ARHGAP17: variants seen among roughly 807,000 people sequenced by gnomAD.
The protein encoded by ARHGAP17 is rho GTPase-activating protein 17.
In ARHGAP17, 57 loss-of-function variants were observed where a neutral mutation model predicts 99.5. The ratio of observed to expected loss-of-function variants is 0.57; its 90% confidence interval spans 0.46 to 0.71. ARHGAP17 has a LOEUF of 0.71. Ranked by LOEUF, ARHGAP17 falls within the 30% of genes least tolerant of loss-of-function variation. The pLI, the probability that ARHGAP17 is intolerant of heterozygous loss-of-function variation, is 0.00. For synonymous variants in ARHGAP17, 417 were observed against 429.6 expected, an observed-to-expected ratio of 0.97 and a Z score of 0.36; for missense variants, 1,000 against 1,122.4, an observed-to-expected ratio of 0.89 and a Z score of 1.56.
chr16:24,981,290 A>G (rs535209469), intron 1 of ARHGAP17, among the ~76,000 whole-genome samples: 1 of 152,364 alleles, frequency 6.6e-6, no homozygotes, highest in East Asian at 1.9e-4. Flanking sequence ...AAACATAAAA[A>G]CGAGGCAAGT....
rs143342496 is a variant in ARHGAP17 at position 24,964,405 on chromosome 16, G to A, written c.462-97C>T. On this transcript the variant is annotated intron_variant, in intron 6 of 19. Coordinates refer to ENST00000289968, the MANE Select transcript of ARHGAP17 (RefSeq NM_001006634.3). ...TGGAGATAGATCCTTCCCCACAATT[G>A]ATTCTACCTGGAAGGGGTATCATTG... is the stretch of plus-strand genomic sequence containing the variant. The A allele has an allele frequency of 3.2e-4, 262 of 812,102 alleles. No individual in the cohort carries two copies. The East Asian group carries it at 5.4e-3, about 17-fold the overall frequency. The allele number at this position is 812,102 out of a possible 1,614,324, so 50.3% of individuals were successfully genotyped here.
intron 19 of ARHGAP17, among the ~76,000 whole-genome samples, chr16:24,928,228 T>C (rs1001988069): frequency 6.6e-6 from 1 of 152,234 alleles, no homozygotes; most frequent in African/African-American, 2.4e-5. Flanking sequence ...TGGCCTTCTG[T>C]GTACTTTCAG....
intron 13 of ARHGAP17, 60 bp downstream of exon 13, chr16:24,949,344 T>C: frequency 4.4e-6 from 6 of 1,370,252 alleles, no homozygotes; most frequent in Non-Finnish European, 6.1e-6. Flanking sequence ...TTAAATGACT[T>C]CTCTGCTGGG....
intron 1 of ARHGAP17, chr16:25,013,785 A>T (rs1385425663): frequency 6.6e-6 from 1 of 152,226 alleles, no homozygotes; most frequent in Non-Finnish European, 1.5e-5. Context: ...ACTATTTGAC[A>T]AATGTATCTT....
intron 1 of ARHGAP17, among the ~76,000 whole-genome samples, chr16:25,003,531 T>C (rs544032931): frequency 2.6e-5 from 4 of 152,188 alleles, no homozygotes; most frequent in African/African-American, 7.2e-5. Flanking sequence ...TTTTTAAAAC[T>C]TGGAAGAACC....
chr16:24,972,178 C>A (rs2052386327), intron 3 of ARHGAP17, among the ~76,000 whole-genome samples: 2 of 152,158 alleles, frequency 1.3e-5, no homozygotes, highest in South Asian at 4.1e-4. Context: ...AATATCTCTG[C>A]AAGGCTATAC....
chr16:24,933,715 A>G (rs1259505385), intron 18 of ARHGAP17, among the ~76,000 whole-genome samples: 1 of 151,240 alleles, frequency 6.6e-6, no homozygotes, highest in Non-Finnish European at 1.5e-5. Flanking sequence ...TGTGAAGAGG[A>G]TGGGGAGAGG....
chr16:24,945,016 G>A (rs1376666871), intron 14 of ARHGAP17, among the ~76,000 whole-genome samples: 2 of 151,966 alleles, frequency 1.3e-5, no homozygotes, highest in African/African-American at 4.8e-5. Flanking sequence ...TGTTAATAGT[G>A]TCTGACGCCA....
intron 18 of ARHGAP17, among the ~76,000 whole-genome samples, chr16:24,932,713 C>T (rs1016833268): frequency 1.3e-5 from 2 of 152,028 alleles, no homozygotes; most frequent in Non-Finnish European, 2.9e-5. Flanking sequence ...CACTCTCCTC[C>T]CTACACCAGC....
chr16:24,956,800 T>G (rs1046685088), intron 9 of ARHGAP17: 1 of 152,226 alleles, frequency 6.6e-6, no homozygotes, highest in Non-Finnish European at 1.5e-5. Context: ...TTAACAATTT[T>G]TAATGAGATA....
chr16:24,977,420 G>C, intron 2 of ARHGAP17, 101 bp from the exon 3 acceptor site: 1 of 968,300 alleles, frequency 1.0e-6, no homozygotes, highest in Admixed American at 2.4e-5. Flanking sequence ...GCAGGGAAAA[G>C]GGATGATCTT....
chr16:24,975,356 C>T (rs910590829), intron 3 of ARHGAP17, among the ~76,000 whole-genome samples: 3 of 152,132 alleles, frequency 2.0e-5, no homozygotes, highest in African/African-American at 7.2e-5. Flanking sequence ...GCCATAAGAA[C>T]AGAGGAGGTG....
chr16:24,993,994 C>T (rs576333082), intron 1 of ARHGAP17, among the ~76,000 whole-genome samples: 12 of 152,264 alleles, frequency 7.9e-5, no homozygotes, highest in African/African-American at 2.6e-4. Context: ...AAATGTTGCA[C>T]GGTTTAAACA....
intron 10 of ARHGAP17, among the ~76,000 whole-genome samples, chr16:24,954,284 C>A (rs930758397): frequency 4.6e-5 from 7 of 152,160 alleles, no homozygotes; most frequent in African/African-American, 1.7e-4. Context: ...AATCTATTGT[C>A]ACAAATCACA....
At chr16:24,974,096 A>G (rs776379540) in intron 3 of ARHGAP17, among the ~76,000 whole-genome samples, 2 of 152,218 alleles carry the variant, frequency 1.3e-5, no homozygotes, top group African/African-American at 2.4e-5. Context: ...TAACATTAAG[A>G]TACTTCCTGT....
At chr16:24,992,850 G>A (rs1472858916) in intron 1 of ARHGAP17, among the ~76,000 whole-genome samples, 2 of 152,126 alleles carry the variant, frequency 1.3e-5, no homozygotes, top group African/African-American at 4.8e-5. Context: ...CCAGACTGTG[G>A]AAAGCAATGG....
intron 1 of ARHGAP17, among the ~76,000 whole-genome samples, chr16:25,005,507 A>C (rs2053480878): frequency 1.3e-5 from 2 of 152,338 alleles, no homozygotes; most frequent in African/African-American, 4.8e-5. Flanking sequence ...GATCTGCTAG[A>C]ATAGATAAAA....
intron 10 of ARHGAP17, among the ~76,000 whole-genome samples, chr16:24,953,548 G>A (rs964961068): frequency 6.6e-6 from 1 of 151,972 alleles, no homozygotes; most frequent in African/African-American, 2.4e-5. Context: ...GCGCATGCTC[G>A]CTCTTTCCCT....
chr16:24,990,632 G>A (rs919734592), intron 1 of ARHGAP17, among the ~76,000 whole-genome samples: 1 of 152,062 alleles, frequency 6.6e-6, no homozygotes, highest in African/African-American at 2.4e-5. Flanking sequence ...ACTCCAGCCT[G>A]GGCAACAGAG....
Sources: allele counts gnomAD v4.1 joint callset (sites outside exome capture counted in the v4.1 genomes callset), GRCh38; gene constraint gnomAD v4.1.1; transcripts MANE v1.5; gene names NCBI Gene and HGNC (gene_info 2026-07-23, HGNC 2026-07-21).